The following PKD1L1 variants were observed in gnomAD, a reference collection of about 807,000 sequenced individuals.
PKD1L1 encodes polycystin 1 like 1, transient receptor potential channel interacting.
In PKD1L1, 236 loss-of-function variants were observed where a neutral mutation model predicts 323.4. That is an observed-to-expected ratio of 0.73 (90% CI 0.66 to 0.81). PKD1L1 has a LOEUF of 0.81. PKD1L1 is among the 40% of genes least tolerant of loss of function. The pLI, the probability that PKD1L1 is intolerant of heterozygous loss-of-function variation, is 0.00. For missense variants in PKD1L1, 3,320 were observed against 3,508.0 expected (o/e 0.95, Z 1.35); for synonymous variants, 1,344 against 1,335.0 (o/e 1.01, Z -0.15).
At position 47,840,407 on chromosome 7, in the gene PKD1L1, C is replaced by G. The variant is rs755292072; in HGVS notation, c.5552+54G>C. The G allele has an allele frequency of 2.9e-4, 387 of 1,317,596 alleles. No homozygotes were observed. The highest frequency in any genetic ancestry group is 4.0e-4 in the Non-Finnish European group (365 of 912,786). The allele number at this position is 1,317,596 out of a possible 1,614,324, so 81.6% of individuals were successfully genotyped here. On this transcript the variant is annotated intron_variant, in intron 35 of 56. Coordinates refer to ENST00000289672, the MANE Select transcript of PKD1L1 (RefSeq NM_138295.5). This position sits in a 1 kb window ranked among gnomAD's most constrained non-coding sequence, Gnocchi z 4.1. ...TTTTGTATTTGTGATAAGGTTACAC[C>G]AATTCTGATTGGCCTCTCTTTCCCA...
Position 47,888,157 on chromosome 7 carries a change from T to C in PKD1L1, c.2676-7A>G, listed in dbSNP as rs2128748204. ...CCAGGAGATGTGGACGAATCTGAAA[T>C]ATATAAATTGGCTTGAGATCTTAGG... is the stretch of plus-strand genomic sequence containing the variant. On this transcript the variant is annotated splice_region_variant and splice_polypyrimidine_tract_variant and intron_variant, in intron 16 of 56. Transcript: ENST00000289672. 1 of 1,606,938 alleles carries C rather than the reference T, an allele frequency of 6.2e-7. No individual in the cohort carries two copies. Among genetic ancestry groups the C allele is most frequent in the Non-Finnish European group, 8.5e-7 (1 of 1,175,708 alleles).
At chr7:47,898,898 TAA>T (rs781611829) in intron 13 of PKD1L1, among the ~76,000 whole-genome samples, 7 of 138,998 alleles carry the variant, frequency 5.0e-5, no homozygotes, top group Non-Finnish European at 4.7e-5. Context: ...GTTCTTTTGC[TAA>T]AAAAAAAAAA....
chr7:47,928,187 T>G (rs907864028), intron 7 of PKD1L1, among the ~76,000 whole-genome samples: 1 of 152,222 alleles, frequency 6.6e-6, no homozygotes, highest in African/African-American at 2.4e-5. Flanking sequence ...TGTGGGTCAA[T>G]AGAAAAGGAC....
chr7:47,949,041 T>C (rs540501440), upstream of PKD1L1, among the ~76,000 whole-genome samples: 1 of 152,048 alleles, frequency 6.6e-6, no homozygotes, highest in Non-Finnish European at 1.5e-5. Context: ...AGGGAGAGAC[T>C]GTACATGGAA....
chr7:47,828,234 T>C (rs1456785294), intron 44 of PKD1L1, among the ~76,000 whole-genome samples: 1 of 152,052 alleles, frequency 6.6e-6, no homozygotes, highest in Admixed American at 6.5e-5. Context: ...GAGCCATGCA[T>C]AGGTTTGGAG....
intron 53 of PKD1L1, among the ~76,000 whole-genome samples, chr7:47,802,650 T>C (rs922386270): frequency 2.0e-5 from 3 of 152,224 alleles, no homozygotes; most frequent in African/African-American, 4.8e-5. Context: ...GAGAAAGCTC[T>C]TTCTCTGCTG....
chr7:47,807,836 G>A (rs1190682899), intron 52 of PKD1L1, among the ~76,000 whole-genome samples: 1 of 152,214 alleles, frequency 6.6e-6, no homozygotes, highest in East Asian at 1.9e-4. Context: ...TACTCTGTGA[G>A]CTTTGGTGTC....
intron 36 of PKD1L1, among the ~76,000 whole-genome samples, chr7:47,838,516 C>T (rs184384758): frequency 6.7e-6 from 1 of 150,332 alleles, no homozygotes; most frequent in African/African-American, 2.5e-5. Context: ...GCACAGTGGG[C>T]CACTATATAG....
At chr7:47,821,232 T>C (rs1189384606) in intron 45 of PKD1L1, 46 bp from the exon 46 acceptor site, 1 of 1,172,460 alleles carries the variant, frequency 8.5e-7, no homozygotes, top group Non-Finnish European at 1.3e-6. Context: ...ACCCTGTATG[T>C]AGGTACCTGA....
chr7:47,872,998 C>T (rs1442997694), intron 24 of PKD1L1, among the ~76,000 whole-genome samples: 1 of 152,136 alleles, frequency 6.6e-6, no homozygotes, highest in Non-Finnish European at 1.5e-5. Context: ...GAATGAAGTA[C>T]TAATATATTT....
At chr7:47,916,938 A>G (rs1307653599) in intron 7 of PKD1L1, among the ~76,000 whole-genome samples, 1 of 152,208 alleles carries the variant, frequency 6.6e-6, no homozygotes, top group Non-Finnish European at 1.5e-5. Flanking sequence ...CTCCAAAAAA[A>G]TCACACTAGC....
At chr7:47,949,368 C>CAAAAAAAAA (rs58131581), upstream of PKD1L1, among the ~76,000 whole-genome samples, 768 of 57,106 alleles carry the variant, frequency 0.013, 150 homozygotes, top group African/African-American at 0.037. Context: ...GGCTCTGTCT[C>CAAAAAAAAA]AAAAAAAAAA....
Position 47,844,941 on chromosome 7 carries a change from G to A in PKD1L1, c.5237+54C>T, listed in dbSNP as rs6950328. ...GGAATTATATGTGGGCATCCTGAGT[G>A]AACAGTAAAACAAATAAAGTCTATG... On this transcript the variant is annotated intron_variant, in intron 33 of 56. Coordinates refer to ENST00000289672, the MANE Select transcript of PKD1L1 (RefSeq NM_138295.5). 0.13 allele frequency: 186,127 copies of A among 1,471,668 alleles called. 13,227 individuals carry two copies. The highest frequency in any genetic ancestry group is 0.27 in the African/African-American group (18,930 of 71,424). 91.2% of individuals were successfully genotyped at this position (1,471,668 alleles called of 1,614,324 possible).
In PKD1L1 at chr7:47,833,075, G is replaced by A. The variant is rs745758510; in HGVS notation, c.6337+15C>T. 6.2e-7 allele frequency: 1 copy of A among 1,602,758 alleles called. No homozygotes were observed. Among genetic ancestry groups the A allele is most frequent in the South Asian group, 1.1e-5 (1 of 88,854 alleles). ...GACTGGCAGGAAGGGGGCTGTGGTTGCAAGCCACAGTTACCTTGAGTGTGG... is the reference window on the plus strand; with the variant it reads ...GACTGGCAGGAAGGGGGCTGTGGTTACAAGCCACAGTTACCTTGAGTGTGG... On this transcript the variant is annotated intron_variant, in intron 41 of 56. Transcript: ENST00000289672.
At chr7:47,959,238 C>T in the PKD1L1 span, among the ~76,000 whole-genome samples, 5 of 151,960 alleles carry the variant, frequency 3.3e-5, no homozygotes, top group East Asian at 7.8e-4. Context: ...TCTGCCCGGC[C>T]GCCACCCCGT....
At chr7:47,887,688 C>A (rs1041070396) in intron 17 of PKD1L1, among the ~76,000 whole-genome samples, 3 of 152,218 alleles carry the variant, frequency 2.0e-5, no homozygotes, top group Admixed American at 6.5e-5. Flanking sequence ...TGTCACATCG[C>A]AGGTCCTTCT....
intron 7 of PKD1L1, among the ~76,000 whole-genome samples, chr7:47,919,796 G>A (rs1364753278): frequency 6.6e-6 from 1 of 152,096 alleles, no homozygotes; most frequent in Non-Finnish European, 1.5e-5. Flanking sequence ...TGCAGAAAAA[G>A]CATTCAACAA....
chr7:47,807,856 A>G (rs1025761091), intron 52 of PKD1L1, among the ~76,000 whole-genome samples: 10 of 152,202 alleles, frequency 6.6e-5, no homozygotes, highest in African/African-American at 2.2e-4. Context: ...CTTCACTTGC[A>G]GAGTGGCTAA....
intron 52 of PKD1L1, among the ~76,000 whole-genome samples, chr7:47,807,788 G>A (rs988491828): frequency 6.6e-6 from 1 of 152,196 alleles, no homozygotes; most frequent in African/African-American, 2.4e-5. Context: ...GAGGTACAGG[G>A]ACTTTGAAAC....
Sources: allele counts gnomAD v4.1 joint callset (sites outside exome capture counted in the v4.1 genomes callset), GRCh38; gene constraint gnomAD v4.1.1; non-coding constraint Gnocchi (gnomAD v3.1); transcripts MANE v1.5; gene names NCBI Gene and HGNC (gene_info 2026-07-23, HGNC 2026-07-21).